Variants in ASIC2 observed in about 807,000 individuals in gnomAD.
The protein encoded by ASIC2 is acid-sensing ion channel 2.
A neutral mutation model predicts 57.3 loss-of-function variants in ASIC2; 25 were observed. That is an observed-to-expected ratio of 0.44 (90% CI 0.32 to 0.61). ASIC2 has a LOEUF of 0.61. Among genes scored for constraint, ASIC2 ranks in the 20% least tolerant of loss-of-function variants. The pLI, the probability that ASIC2 is intolerant of heterozygous loss-of-function variation, is 0.06. For synonymous variants in ASIC2, 319 were observed against 307.5 expected (o/e 1.04, Z -0.39); for missense variants, 641 against 738.1 (o/e 0.87, Z 1.52).
chr17:33,903,564 G>C (rs1218398820), intron 1 of ASIC2, among the ~76,000 whole-genome samples: 1 of 152,146 alleles, frequency 6.6e-6, no homozygotes, highest in African/African-American at 2.4e-5. Context: ...AATTTATTTA[G>C]CCCAGAATCT....
At chr17:33,346,899 G>A (rs768146730) in intron 1 of ASIC2, among the ~76,000 whole-genome samples, 2 of 152,178 alleles carry the variant, frequency 1.3e-5, no homozygotes, top group Non-Finnish European at 2.9e-5. Flanking sequence ...AGAGCGGAAA[G>A]TGTTCCAGGA....
intron 1 of ASIC2, chr17:34,041,125 G>A (rs1908114277): frequency 6.6e-6 from 1 of 152,222 alleles, no homozygotes; most frequent in South Asian, 2.1e-4. Context: ...ATGCTCTGGA[G>A]GGGGATGCAA....
chr17:33,044,183 G>C (rs890887220), intron 3 of ASIC2, among the ~76,000 whole-genome samples: 2 of 151,592 alleles, frequency 1.3e-5, no homozygotes, highest in Admixed American at 1.3e-4. Context: ...GATGTCATAA[G>C]AGCCTCTGCA....
intron 1 of ASIC2, among the ~76,000 whole-genome samples, chr17:33,115,740 A>G (rs1023676914): frequency 6.6e-6 from 1 of 152,178 alleles, no homozygotes; most frequent in African/African-American, 2.4e-5. Flanking sequence ...GTGTCTATCA[A>G]AGTGTGTAAC....
chr17:33,407,812 C>T (rs1195496597), intron 1 of ASIC2, among the ~76,000 whole-genome samples: 2 of 152,192 alleles, frequency 1.3e-5, no homozygotes, highest in Non-Finnish European at 2.9e-5. Context: ...TTGGGATTGG[C>T]TTGGCTTGGT....
chr17:33,267,434 C>T (rs13380849), intron 1 of ASIC2, among the ~76,000 whole-genome samples: 45 of 152,186 alleles, frequency 3.0e-4, no homozygotes, highest in African/African-American at 1.1e-3. Flanking sequence ...TATAATCTGA[C>T]TGTATTAGAC....
At chr17:33,486,714 C>T (rs1913586676) in intron 1 of ASIC2, among the ~76,000 whole-genome samples, 1 of 152,220 alleles carries the variant, frequency 6.6e-6, no homozygotes, top group African/African-American at 2.4e-5. Context: ...CCCTGGTTGA[C>T]CTGTGGGCCT....
chr17:33,362,760 A>T (rs1200468364), intron 1 of ASIC2, among the ~76,000 whole-genome samples: 1 of 152,142 alleles, frequency 6.6e-6, no homozygotes, highest in East Asian at 1.9e-4. Flanking sequence ...AGTGCCTGAC[A>T]TGAAAGAGAC....
intron 1 of ASIC2, among the ~76,000 whole-genome samples, chr17:33,142,690 C>T (rs919174954): frequency 6.6e-6 from 1 of 152,224 alleles, no homozygotes; most frequent in African/African-American, 2.4e-5. Context: ...GACTCAGTTC[C>T]ATGACCACAC....
chr17:33,917,903 C>A (rs1567755694), intron 1 of ASIC2, among the ~76,000 whole-genome samples: 1 of 150,022 alleles, frequency 6.7e-6, no homozygotes, highest in Non-Finnish European at 1.5e-5. Context: ...CACACACACA[C>A]ACACACACAC....
At chr17:33,369,965 T>G (rs1160609930) in intron 1 of ASIC2, among the ~76,000 whole-genome samples, 2 of 152,156 alleles carry the variant, frequency 1.3e-5, no homozygotes, top group South Asian at 2.1e-4. Context: ...TTAATCAGAT[T>G]TCTGCAGCAT....
At chr17:33,905,947 A>T (rs916500260) in intron 1 of ASIC2, among the ~76,000 whole-genome samples, 1 of 151,640 alleles carries the variant, frequency 6.6e-6, no homozygotes, top group African/African-American at 2.4e-5. Flanking sequence ...CCTTCTGAGT[A>T]GTTGGGACTA....
chr17:33,459,433 G>T (rs1052584494), intron 1 of ASIC2, among the ~76,000 whole-genome samples: 1 of 152,102 alleles, frequency 6.6e-6, no homozygotes, highest in African/African-American at 2.4e-5. Context: ...ACAGAAAAAT[G>T]AAACCACACA....
chr17:33,195,499 T>A (rs1317814463), intron 1 of ASIC2, among the ~76,000 whole-genome samples: 2 of 152,240 alleles, frequency 1.3e-5, no homozygotes, highest in African/African-American at 2.4e-5. Flanking sequence ...AGTGATTGGG[T>A]TGAAATTGTA....
intron 1 of ASIC2, among the ~76,000 whole-genome samples, chr17:34,148,631 A>G (rs1360174719): frequency 6.6e-6 from 1 of 152,206 alleles, no homozygotes; most frequent in Non-Finnish European, 1.5e-5. Context: ...TTTTGCAAGA[A>G]GAACCAGAGT....
intron 1 of ASIC2, among the ~76,000 whole-genome samples, chr17:34,032,098 AG>A (rs1907640997): frequency 1.3e-5 from 2 of 152,220 alleles, no homozygotes; most frequent in Admixed American, 6.5e-5. Context: ...AAAAATGATC[AG>A]GGTAGCCAGA....
chr17:33,257,246 C>A (rs1597653915), intron 1 of ASIC2, among the ~76,000 whole-genome samples: 1 of 152,360 alleles, frequency 6.6e-6, no homozygotes, highest in Non-Finnish European at 1.5e-5. Flanking sequence ...GGAGGCCTCA[C>A]TGACCAGGTG....
chr17:33,228,715 A>ATCG (rs1418777449), intron 1 of ASIC2, among the ~76,000 whole-genome samples: 1 of 152,252 alleles, frequency 6.6e-6, no homozygotes, highest in African/African-American at 2.4e-5. Context: ...AAATGTTGAC[A>ATCG]TCGGCCTCCT....
chr17:33,234,271 A>G (rs2142111653), intron 1 of ASIC2, among the ~76,000 whole-genome samples: 1 of 152,276 alleles, frequency 6.6e-6, no homozygotes, highest in East Asian at 1.9e-4. Flanking sequence ...CCTCCTTGTA[A>G]TTTACTAAAA....
Sources: gnomAD v4.1 joint callset for allele counts (sites outside exome capture counted in the v4.1 genomes callset) on GRCh38, gnomAD v4.1.1 for gene constraint, MANE v1.5 for transcripts, NCBI Gene and HGNC (gene_info 2026-07-23, HGNC 2026-07-21) for gene names.